NTM: variants seen among roughly 807,000 people sequenced by gnomAD.
The protein encoded by NTM is neurotrimin.
NTM carries 13 observed loss-of-function variants against 42.1 expected under a neutral mutation model. The ratio of observed to expected loss-of-function variants is 0.31; its 90% CI spans 0.20 to 0.49. NTM has a LOEUF of 0.49. Ranked by LOEUF, NTM falls within the 20% of genes least tolerant of loss-of-function variation. The pLI is 0.99. For missense variants in NTM, 373 were observed against 452.8 expected (o/e 0.82, Z 1.60); for synonymous variants, 187 against 179.2 (o/e 1.04, Z -0.35).
At chr11:132,079,840 T>C (rs1466479028) in intron 2 of NTM, among the ~76,000 whole-genome samples, 2 of 152,222 alleles carry the variant, frequency 1.3e-5, no homozygotes, top group Non-Finnish European at 2.9e-5. Context: ...GGAAGCCACA[T>C]CACACCTTTT....
chr11:131,658,011 G>A (rs1458940324), intron 1 of NTM, among the ~76,000 whole-genome samples: 2 of 152,164 alleles, frequency 1.3e-5, no homozygotes, highest in Non-Finnish European at 2.9e-5. Context: ...ACTTAAGCTG[G>A]GTTTCAATTG....
At chr11:131,875,918 G>C (rs1253909468) in intron 1 of NTM, among the ~76,000 whole-genome samples, 1 of 152,214 alleles carries the variant, frequency 6.6e-6, no homozygotes, top group Non-Finnish European at 1.5e-5. Context: ...TGAAGGGTGA[G>C]TGGTGGCAGA....
At chr11:131,832,655 C>T (rs557799418) in intron 1 of NTM, among the ~76,000 whole-genome samples, 2 of 152,260 alleles carry the variant, frequency 1.3e-5, no homozygotes, top group East Asian at 3.9e-4. Flanking sequence ...CTTCTAATTC[C>T]GTGGCCTTAG....
intron 1 of NTM, among the ~76,000 whole-genome samples, chr11:131,458,574 C>T (rs533034064): frequency 9.9e-5 from 15 of 152,192 alleles, no homozygotes; most frequent in Admixed American, 4.6e-4. Flanking sequence ...ATTTTCATGA[C>T]GTGTGTTACT....
intron 1 of NTM, among the ~76,000 whole-genome samples, chr11:131,676,909 T>C (rs112891786): frequency 0.032 from 4,913 of 152,340 alleles, 267 homozygotes; most frequent in African/African-American, 0.11. Flanking sequence ...ACGACGGACC[T>C]GTCCACTTAG....
At chr11:131,412,563 A>G (rs994839633) in intron 1 of NTM, among the ~76,000 whole-genome samples, 11 of 152,186 alleles carry the variant, frequency 7.2e-5, no homozygotes, top group Non-Finnish European at 1.2e-4. Context: ...ATCAAATTAG[A>G]CATTTAGATA....
chr11:131,422,699 G>A (rs536087265), intron 1 of NTM, among the ~76,000 whole-genome samples: 1 of 152,316 alleles, frequency 6.6e-6, no homozygotes, highest in Admixed American at 6.5e-5. Context: ...TCCAAGGAAT[G>A]TATACCAGTA....
intron 1 of NTM, among the ~76,000 whole-genome samples, chr11:131,475,825 G>A (rs890832709): frequency 6.6e-5 from 10 of 152,098 alleles, no homozygotes; most frequent in Non-Finnish European, 1.0e-4. Flanking sequence ...ACAGGTCATG[G>A]GAGACACAGT....
chr11:132,205,006 G>A (rs1284332227), intron 3 of NTM, among the ~76,000 whole-genome samples: 1 of 152,216 alleles, frequency 6.6e-6, no homozygotes, highest in Non-Finnish European at 1.5e-5. Flanking sequence ...TCTGCACGTG[G>A]TCTGGAAGCC....
intron 4 of NTM, among the ~76,000 whole-genome samples, chr11:132,249,543 G>A (rs1412882447): frequency 6.6e-6 from 1 of 152,214 alleles, no homozygotes; most frequent in African/African-American, 2.4e-5. Flanking sequence ...TGGAGAAATT[G>A]TCTCTTGAGT....
intron 2 of NTM, among the ~76,000 whole-genome samples, chr11:132,087,605 T>C (rs1026147448): frequency 1.3e-5 from 2 of 152,158 alleles, no homozygotes; most frequent in African/African-American, 4.8e-5. Context: ...AACTGTGGAA[T>C]AGGGTCCTTC....
At chr11:131,945,340 C>A (rs1488117141) in intron 2 of NTM, among the ~76,000 whole-genome samples, 2 of 152,142 alleles carry the variant, frequency 1.3e-5, no homozygotes, top group South Asian at 4.1e-4. Context: ...AACTCCACAG[C>A]GCTCTCATAT....
intron 1 of NTM, among the ~76,000 whole-genome samples, chr11:131,902,806 C>T (rs1404611327): frequency 2.0e-5 from 3 of 152,148 alleles, no homozygotes; most frequent in African/African-American, 7.2e-5. Context: ...CTCTTGCTGC[C>T]CCTTCTAAAG....
intron 3 of NTM, among the ~76,000 whole-genome samples, chr11:132,156,180 A>C (rs1043042695): frequency 6.6e-6 from 1 of 152,144 alleles, no homozygotes; most frequent in African/African-American, 2.4e-5. Flanking sequence ...TTAGCCCAAG[A>C]GAGCCAATTC....
rs529030826 is a variant in NTM at position 131,564,685 on chromosome 11, CTTTTA to C, written c.82+193803_82+193807del. Among the ~76,000 whole-genome samples, 39 of 152,246 alleles carry C rather than the reference CTTTTA, an allele frequency of 2.6e-4. No homozygotes were observed. In the East Asian group the frequency reaches 6.2e-3, roughly 24 times the overall value. On this transcript the variant is annotated intron_variant, in intron 1 of 8. Coordinates refer to ENST00000683400, the MANE Select transcript of NTM (RefSeq NM_001352005.2). Reference sequence around the variant, plus strand: ...TTCTTCATGTCCATTCATTTTACTTCTTTTATTTTAAATTTTAATTTCTTATGGCA... The same window carrying C: ...TTCTTCATGTCCATTCATTTTACTTCTTTTAAATTTTAATTTCTTATGGCA...
chr11:131,873,563 GTA>G (rs1491099817), intron 1 of NTM, among the ~76,000 whole-genome samples: 1 of 32,164 alleles, frequency 3.1e-5, no homozygotes, highest in African/African-American at 6.9e-5. Context: ...TATATATACC[GTA>G]TATATATACA....
intron 1 of NTM, among the ~76,000 whole-genome samples, chr11:131,380,299 C>T (rs988112343): frequency 4.6e-5 from 7 of 151,724 alleles, no homozygotes; most frequent in Admixed American, 2.0e-4. Context: ...CCTCCGCCTC[C>T]CGGGTTCAAG....
intron 1 of NTM, among the ~76,000 whole-genome samples, chr11:131,609,628 G>T (rs1320545861): frequency 1.3e-5 from 2 of 152,214 alleles, no homozygotes; most frequent in African/African-American, 4.8e-5. Context: ...ATTTGAGCTG[G>T]ATTTATCTCT....
chr11:132,242,427 AT>A (rs937408196), intron 4 of NTM, among the ~76,000 whole-genome samples: 2 of 152,244 alleles, frequency 1.3e-5, no homozygotes, highest in African/African-American at 4.8e-5. Flanking sequence ...AGTTAAAAAA[AT>A]GGTGGGTGGG....
Sources: allele counts gnomAD v4.1 joint callset (sites outside exome capture counted in the v4.1 genomes callset), GRCh38; gene constraint gnomAD v4.1.1; transcripts MANE v1.5; gene names NCBI Gene and HGNC (gene_info 2026-07-23, HGNC 2026-07-21).